The following LMO3 variants were observed in gnomAD, a reference collection of about 807,000 sequenced individuals.
The protein encoded by LMO3 is LIM domain only protein 3.
A neutral mutation model predicts 15.8 loss-of-function variants in LMO3; 2 were observed. That is an observed-to-expected ratio of 0.13 (90% CI 0.05 to 0.40). The LOEUF is 0.40. LMO3 is among the 10% of genes least tolerant of loss of function. The probability of loss-of-function intolerance (pLI) is 0.99; values close to 1 mark genes in which losing one functional copy is unlikely to be tolerated. For missense variants in LMO3, 86 were observed against 182.2 expected, an observed-to-expected ratio of 0.47 and a Z score of 3.04; for synonymous variants, 62 against 63.8, an observed-to-expected ratio of 0.97 and a Z score of 0.13.
intron 2 of LMO3, among the ~76,000 whole-genome samples, chr12:16,571,616 T>C (rs953925462): frequency 6.6e-6 from 1 of 152,072 alleles, no homozygotes; most frequent in African/African-American, 2.4e-5. Context: ...TAGAAAATTA[T>C]ATGGCAACCC....
intron 2 of LMO3, among the ~76,000 whole-genome samples, chr12:16,595,548 A>C (rs2137661451): frequency 6.6e-6 from 1 of 151,592 alleles, no homozygotes; most frequent in East Asian, 1.9e-4. Context: ...GGGTAGTATA[A>C]ACGCTAAAAT....
chr12:16,605,436 G>GCCC, intron 1 of LMO3: 6 of 372,010 alleles, frequency 1.6e-5, no homozygotes, highest in South Asian at 1.2e-4. Context: ...CTACCCGCCT[G>GCCC]CCCCCCCCCC....
At chr12:16,562,599 A>G (rs1004800531) in intron 2 of LMO3, among the ~76,000 whole-genome samples, 3 of 152,208 alleles carry the variant, frequency 2.0e-5, no homozygotes, top group Admixed American at 6.5e-5. Flanking sequence ...CCACTACATT[A>G]ACCACTGGGA....
intron 2 of LMO3, among the ~76,000 whole-genome samples, chr12:16,583,913 A>G (rs956057992): frequency 6.6e-6 from 1 of 152,194 alleles, no homozygotes; most frequent in Non-Finnish European, 1.5e-5. Context: ...ATGACAGGAG[A>G]GCTGAATGTC....
In LMO3 at chr12:16,549,464, C is replaced by T. The variant is rs1027117433; in HGVS notation, c.*1758G>A. The T allele has an allele frequency of 6.6e-6, 1 of 152,412 alleles. No homozygotes were observed. The highest frequency in any genetic ancestry group is 1.5e-5 in the Non-Finnish European group (1 of 67,952). 9.4% of individuals were successfully genotyped at this position (152,412 alleles called of 1,614,324 possible). A position where few individuals can be genotyped will look rare whatever the true frequency, so the allele number is the denominator to read the frequency against. The stretch of plus-strand genomic sequence containing the variant: ...ATTCACATGCATGTTCATAATAAAG[C>T]TTTGTTTTAAAACAAATCCACACCA... On this transcript the variant is annotated 3_prime_UTR_variant, in exon 4 of 4. Transcript: ENST00000537304.
intron 3 of LMO3, among the ~76,000 whole-genome samples, chr12:16,556,530 C>A (rs980460559): frequency 3.9e-5 from 6 of 152,184 alleles, no homozygotes; most frequent in Non-Finnish European, 7.3e-5. Flanking sequence ...GATGAAATGA[C>A]TGCTGAATAC....
intron 2 of LMO3, 117 bp downstream of exon 2, chr12:16,600,538 C>T: frequency 1.2e-6 from 1 of 850,954 alleles, no homozygotes; most frequent in South Asian, 1.7e-5. Context: ...TGACAGGTAA[C>T]TTCTTTCAGG....
Position 16,551,093 on chromosome 12 carries a change from A to G in LMO3, c.*129T>C. ...ACAGATGCAGTCCGCCTTTTATTCC[A>G]TATAACCATCCTGCCTTCCTATATC... On this transcript the variant is annotated 3_prime_UTR_variant, in exon 4 of 4. Transcript: ENST00000537304. 3 of 630,962 alleles carry G rather than the reference A, an allele frequency of 4.8e-6. No individual in the cohort carries two copies. The South Asian group carries it at 6.5e-5, about 14-fold the overall frequency. 39.1% of individuals were successfully genotyped at this position (630,962 alleles called of 1,614,324 possible).
Position 16,597,548 on chromosome 12 carries a change from CA to C in LMO3, c.206+3106del, listed in dbSNP as rs1306607713. Reference sequence around the variant, plus strand: ...GTATTAAGAAGCTAAATGTAATTGGCAAAAATATTTTACTTTTCACTGTATG... The same window carrying C: ...GTATTAAGAAGCTAAATGTAATTGGCAAAATATTTTACTTTTCACTGTATG... On this transcript the variant is annotated intron_variant, in intron 2 of 3. Coordinates refer to ENST00000537304, the MANE Select transcript of LMO3 (RefSeq NM_018640.5). This position sits in a 1 kb window ranked among gnomAD's most constrained non-coding sequence, Gnocchi z 5.0. 3.3e-5 allele frequency: 5 copies of C among 151,672 alleles called. No individual in the cohort carries two copies. Among genetic ancestry groups the C allele is most frequent in the Non-Finnish European group, 5.9e-5 (4 of 67,734 alleles). 9.4% of individuals were successfully genotyped at this position (151,672 alleles called of 1,614,324 possible).
chr12:16,551,455 G>T (rs550112475), intron 3 of LMO3, 128 bp from the exon 4 acceptor site: 5 of 616,114 alleles, frequency 8.1e-6, no homozygotes, highest in South Asian at 8.0e-5. Flanking sequence ...GGCTTAGACA[G>T]TTGTCTTCAT....
chr12:16,577,610 G>A (rs771722472), intron 2 of LMO3, among the ~76,000 whole-genome samples: 25 of 152,260 alleles, frequency 1.6e-4, no homozygotes, highest in Non-Finnish European at 3.4e-4. Context: ...TTGTGGTATA[G>A]TTTTGGAAGA....
chr12:16,566,034 AT>A, intron 2 of LMO3, among the ~76,000 whole-genome samples: 2 of 102,016 alleles, frequency 2.0e-5, no homozygotes, highest in Non-Finnish European at 3.9e-5. Context: ...ATATATATAT[AT>A]ATATAAAATG....
intron 1 of LMO3, chr12:16,605,089 G>C: frequency 1.4e-6 from 2 of 1,450,552 alleles, no homozygotes; most frequent in Non-Finnish European, 1.8e-6. Flanking sequence ...GATGAGGACG[G>C]CCAGACAAGA....
chr12:16,552,394 G>A (rs1164959506), intron 3 of LMO3, among the ~76,000 whole-genome samples: 1 of 152,018 alleles, frequency 6.6e-6, no homozygotes, highest in East Asian at 1.9e-4. Context: ...AGAAATCTTA[G>A]TGGATAGATT....
At chr12:16,605,081 T>A in intron 1 of LMO3, 3 of 1,460,756 alleles carry the variant, frequency 2.1e-6, no homozygotes, top group South Asian at 1.4e-5. Context: ...GGGGAAGGGA[T>A]GAGGACGGCC....
intron 2 of LMO3, among the ~76,000 whole-genome samples, chr12:16,579,116 T>G (rs1943083630): frequency 1.3e-5 from 2 of 152,144 alleles, no homozygotes; most frequent in East Asian, 1.9e-4. Flanking sequence ...GGTCATAAAC[T>G]TCCACAGGGA....
intron 1 of LMO3, chr12:16,605,812 A>G (rs542292141): frequency 6.5e-7 from 1 of 1,535,314 alleles, no homozygotes. Context: ...TTCCATCAAC[A>G]TCTTCCGCCT....
At chr12:16,569,096 G>A (rs927298123) in intron 2 of LMO3, among the ~76,000 whole-genome samples, 2 of 152,086 alleles carry the variant, frequency 1.3e-5, no homozygotes, top group Non-Finnish European at 2.9e-5. Context: ...GCCATTTCCT[G>A]CTCCATGAAG....
rs1342928268 is a variant in LMO3, at chr12:16,586,940, G to A, written c.206+13715C>T. On this transcript the variant is annotated intron_variant, in intron 2 of 3. Coordinates refer to ENST00000537304, the MANE Select transcript of LMO3 (RefSeq NM_018640.5). The surrounding 1 kb of genome is among the most constrained non-coding windows in gnomAD (Gnocchi z 4.3). Reference sequence around the variant, plus strand: ...CCTCTAATAATAGAGTCATGTGATAGCTTAAAAACACATGCTTTATCATCA... The same window carrying A: ...CCTCTAATAATAGAGTCATGTGATAACTTAAAAACACATGCTTTATCATCA... 6.6e-6 allele frequency among the ~76,000 whole-genome samples: 1 copy of A among 152,130 alleles called. No homozygotes were observed. Among genetic ancestry groups the A allele is most frequent in the Non-Finnish European group, 1.5e-5 (1 of 68,026 alleles).
Sources: allele counts gnomAD v4.1 joint callset (sites outside exome capture counted in the v4.1 genomes callset), GRCh38; gene constraint gnomAD v4.1.1; non-coding constraint Gnocchi (gnomAD v3.1); transcripts MANE v1.5; gene names NCBI Gene and HGNC (gene_info 2026-07-23, HGNC 2026-07-21).